The following CNTNAP5 variants were observed in gnomAD, a reference collection of about 807,000 sequenced individuals.
CNTNAP5 encodes the protein contactin-associated protein-like 5.
CNTNAP5 carries 72 observed loss-of-function variants against 150.2 expected under a neutral mutation model. The observed-to-expected ratio is 0.48, with a 90% CI of 0.40 to 0.58. The LOEUF is 0.58. CNTNAP5 is among the 20% of genes least tolerant of loss of function. The pLI, the probability that CNTNAP5 is intolerant of heterozygous loss-of-function variation, is 0.00. For synonymous variants in CNTNAP5, 672 were observed against 619.8 expected, an observed-to-expected ratio of 1.08 and a Z score of -1.25; for missense variants, 1,636 against 1,626.2, an observed-to-expected ratio of 1.01 and a Z score of -0.10.
chr2:124,350,450 CTTGT>C (rs1168391947), intron 3 of CNTNAP5, among the ~76,000 whole-genome samples: 1 of 144,974 alleles, frequency 6.9e-6, no homozygotes, highest in Admixed American at 6.8e-5. Context: ...TGGTTTGTGG[CTTGT>C]TTTTTTTTTT....
intron 13 of CNTNAP5, among the ~76,000 whole-genome samples, chr2:124,745,660 A>C (rs528163095): frequency 6.6e-6 from 1 of 152,354 alleles, no homozygotes; most frequent in African/African-American, 2.4e-5. Context: ...CTTTAAAAGA[A>C]CACACTGGTT....
intron 6 of CNTNAP5, among the ~76,000 whole-genome samples, chr2:124,467,142 T>C (rs1236723997): frequency 6.6e-6 from 1 of 152,150 alleles, no homozygotes; most frequent in Non-Finnish European, 1.5e-5. Context: ...TATCAATAAA[T>C]GCAAAAGTAA....
chr2:124,336,823 C>T (rs913291535), intron 3 of CNTNAP5, among the ~76,000 whole-genome samples: 13 of 151,928 alleles, frequency 8.6e-5, no homozygotes, highest in African/African-American at 2.4e-4. Context: ...TGAATAGTGC[C>T]GCAATAAACA....
At chr2:124,739,954 G>A (rs889626821) in intron 13 of CNTNAP5, among the ~76,000 whole-genome samples, 5 of 151,472 alleles carry the variant, frequency 3.3e-5, no homozygotes, top group Non-Finnish European at 7.4e-5. Context: ...GCTCTTTTAG[G>A]GTAGCAAAAG....
At position 124,745,551 on chromosome 2, in the gene CNTNAP5, G is replaced by C. The variant is rs138876216; in HGVS notation, c.2078-1678G>C. Among the ~76,000 whole-genome samples, 51 of 152,262 alleles carry C rather than the reference G, an allele frequency of 3.3e-4. No individual in the cohort carries two copies. The East Asian group carries it at 6.2e-3, about 18-fold the overall frequency. On this transcript the variant is annotated intron_variant, in intron 13 of 23. Coordinates refer to ENST00000682447, the MANE Select transcript of CNTNAP5 (RefSeq NM_001367498.1). ...GGCCAGGTGTGCTTGGCTCACCCGA[G>C]CAGGGATTTAGGAAGAAAACAATTC... is the stretch of plus-strand genomic sequence containing the variant.
At chr2:124,398,176 G>T (rs1323413673) in intron 3 of CNTNAP5, among the ~76,000 whole-genome samples, 1 of 152,140 alleles carries the variant, frequency 6.6e-6, no homozygotes, top group Admixed American at 6.5e-5. Context: ...CAGGGCAGTG[G>T]CCCTCAAAGT....
chr2:124,673,708 A>G (rs777812931), intron 13 of CNTNAP5, among the ~76,000 whole-genome samples: 2 of 151,870 alleles, frequency 1.3e-5, no homozygotes, highest in Non-Finnish European at 2.9e-5. Context: ...CTGATTTTAT[A>G]GAGAAGCATC....
chr2:124,200,213 T>A (rs187427570), intron 1 of CNTNAP5, among the ~76,000 whole-genome samples: 1 of 152,348 alleles, frequency 6.6e-6, no homozygotes, highest in East Asian at 1.9e-4. Context: ...CTAATCATAT[T>A]AGTTATCTCC....
intron 3 of CNTNAP5, among the ~76,000 whole-genome samples, chr2:124,340,873 CACATATATATAT>C (rs1434541418): frequency 5.5e-5 from 8 of 146,750 alleles, no homozygotes; most frequent in South Asian, 2.1e-4. Context: ...TATGTATATA[CACATATATATAT>C]ACATATATAT....
intron 11 of CNTNAP5, among the ~76,000 whole-genome samples, chr2:124,583,213 G>T (rs563321151): frequency 6.6e-6 from 1 of 152,316 alleles, no homozygotes; most frequent in African/African-American, 2.4e-5. Context: ...TCTCTAGGGA[G>T]ACATGACCTC....
intron 19 of CNTNAP5, among the ~76,000 whole-genome samples, chr2:124,819,205 C>A (rs1682433368): frequency 6.6e-6 from 1 of 152,100 alleles, no homozygotes; most frequent in African/African-American, 2.4e-5. Context: ...GTCATCCAAA[C>A]CTTAATGTAA....
At chr2:124,115,792 T>TTGTG (rs5834038) in intron 1 of CNTNAP5, among the ~76,000 whole-genome samples, 6,629 of 138,138 alleles carry the variant, frequency 0.048, 360 homozygotes, top group African/African-American at 0.13. Flanking sequence ...GCCTGGCTAA[T>TTGTG]TGTGTGTGTG....
At chr2:124,584,727 CAAAT>C (rs1286121157) in intron 11 of CNTNAP5, among the ~76,000 whole-genome samples, 14 of 152,314 alleles carry the variant, frequency 9.2e-5, no homozygotes, top group Admixed American at 9.2e-4. Context: ...GAAATATAGA[CAAAT>C]AAATACTGTA....
chr2:124,550,388 G>A (rs1303674577), intron 10 of CNTNAP5, among the ~76,000 whole-genome samples: 1 of 151,944 alleles, frequency 6.6e-6, no homozygotes, highest in Non-Finnish European at 1.5e-5. Context: ...TCTGTATCAG[G>A]GTCTTCATTT....
chr2:124,101,966 G>C (rs759960328), intron 1 of CNTNAP5, among the ~76,000 whole-genome samples: 15 of 152,216 alleles, frequency 9.9e-5, no homozygotes, highest in Middle Eastern at 6.8e-3. Flanking sequence ...CCTCTCACAG[G>C]CTGGTGGGGT....
intron 1 of CNTNAP5, among the ~76,000 whole-genome samples, chr2:124,090,983 G>A (rs898264950): frequency 6.6e-6 from 1 of 152,200 alleles, no homozygotes; most frequent in South Asian, 2.1e-4. Flanking sequence ...AAAAGAAAAA[G>A]AGTAAGAATG....
chr2:124,280,709 T>G (rs750306425), intron 3 of CNTNAP5, among the ~76,000 whole-genome samples: 13 of 152,154 alleles, frequency 8.5e-5, no homozygotes, highest in Non-Finnish European at 1.3e-4. Flanking sequence ...GCAACTATTA[T>G]GTCTTCAAAT....
chr2:124,537,197 C>A (rs1467750861), intron 10 of CNTNAP5, among the ~76,000 whole-genome samples: 1 of 152,140 alleles, frequency 6.6e-6, no homozygotes, highest in African/African-American at 2.4e-5. Flanking sequence ...GTGGTAGAGC[C>A]TGGCTGCAAC....
intron 16 of CNTNAP5, 123 bp downstream of exon 16, chr2:124,764,270 A>G (rs962718): frequency 2.8e-6 from 2 of 716,710 alleles, no homozygotes; most frequent in Non-Finnish European, 4.7e-6. Flanking sequence ...CATCTGTAAA[A>G]TTAGCAGTGA....
Sources: allele counts gnomAD v4.1 joint callset (sites outside exome capture counted in the v4.1 genomes callset), GRCh38; gene constraint gnomAD v4.1.1; transcripts MANE v1.5; gene names NCBI Gene and HGNC (gene_info 2026-07-23, HGNC 2026-07-21).